Variants in PPP1R12A observed in about 807,000 individuals in gnomAD.
The protein encoded by PPP1R12A is myosin binding subunit.
Under a neutral mutation model 139.6 loss-of-function variants are expected in PPP1R12A, and 19 were observed. The ratio of observed to expected loss-of-function variants is 0.14; its 90% CI spans 0.09 to 0.20. The LOEUF (loss-of-function observed/expected upper bound fraction) is 0.20. Ranked by LOEUF, PPP1R12A falls within the 10% of genes least tolerant of loss-of-function variation. The pLI is 1.00. For synonymous variants in PPP1R12A, 427 were observed against 420.6 expected (o/e 1.02, Z -0.19); for missense variants, 925 against 1,211.5 (o/e 0.76, Z 3.51).
upstream of PPP1R12A, chr12:79,935,425 G>C: frequency 2.0e-6 from 2 of 991,262 alleles, no homozygotes; most frequent in Non-Finnish European, 2.4e-6. Context: ...GAGGCCAGCA[G>C]TGGAACCGCA....
chr12:79,805,792 CA>C, intron 13 of PPP1R12A, 24 bp from the exon 14 acceptor site: 6 of 1,584,402 alleles, frequency 3.8e-6, no homozygotes, highest in Non-Finnish European at 4.3e-6. Flanking sequence ...AGCAGCAACA[CA>C]AAAAAGAGAA....
chr12:79,833,754 T>G (rs1027948775), intron 3 of PPP1R12A, among the ~76,000 whole-genome samples: 1 of 150,698 alleles, frequency 6.6e-6, no homozygotes, highest in Non-Finnish European at 1.5e-5. Context: ...GGAGAACTAC[T>G]TAAGTCCAGG....
intron 3 of PPP1R12A, among the ~76,000 whole-genome samples, chr12:79,843,050 G>GT (rs1252798611): frequency 3.3e-5 from 5 of 151,606 alleles, no homozygotes; most frequent in South Asian, 2.1e-4. Flanking sequence ...TTTGTTTTTG[G>GT]TTTTTTTTGA....
At chr12:79,848,461 G>A (rs1458451909) in intron 2 of PPP1R12A, among the ~76,000 whole-genome samples, 1 of 152,112 alleles carries the variant, frequency 6.6e-6, no homozygotes, top group Non-Finnish European at 1.5e-5. Context: ...CAGACTAGCT[G>A]CAGCTTGAAG....
intron 1 of PPP1R12A, among the ~76,000 whole-genome samples, chr12:79,903,486 C>G (rs1327321272): frequency 1.3e-5 from 2 of 151,958 alleles, no homozygotes; most frequent in African/African-American, 4.8e-5. Flanking sequence ...TACCTTCAGG[C>G]TATGTGTATG....
chr12:79,876,216 T>C (rs1176889003), intron 1 of PPP1R12A, among the ~76,000 whole-genome samples: 2 of 152,242 alleles, frequency 1.3e-5, no homozygotes, highest in Non-Finnish European at 2.9e-5. Context: ...GTATCTACTT[T>C]ATTTTTCTCC....
chr12:79,840,150 C>T (rs1478486660), intron 3 of PPP1R12A, among the ~76,000 whole-genome samples: 1 of 152,128 alleles, frequency 6.6e-6, no homozygotes, highest in Non-Finnish European at 1.5e-5. Flanking sequence ...CCACTTCCTA[C>T]CTGTATGATC....
chr12:79,918,389 T>C lies in PPP1R12A; in HGVS notation c.237+16306A>G, dbSNP rs183384537. 2.4e-3 allele frequency among the ~76,000 whole-genome samples: 370 copies of C among 152,286 alleles called. 1 individual carries two copies. The highest frequency in any genetic ancestry group is 4.0e-3 in the Non-Finnish European group (269 of 68,016). On this transcript the variant is annotated intron_variant, in intron 1 of 24. Coordinates refer to ENST00000450142, the MANE Select transcript of PPP1R12A (RefSeq NM_002480.3). ...CTGTACAGATAGCCTATAGTGTACATTTTACACTTGATTTTCATTTCTTGT... is the reference window on the plus strand; with the variant it reads ...CTGTACAGATAGCCTATAGTGTACACTTTACACTTGATTTTCATTTCTTGT...
intron 24 of PPP1R12A, among the ~76,000 whole-genome samples, chr12:79,776,821 A>G (rs1565732400): frequency 6.6e-6 from 1 of 152,146 alleles, no homozygotes; most frequent in Non-Finnish European, 1.5e-5. Context: ...TCACTAGGAA[A>G]TGAAATAGCT....
At chr12:79,907,208 T>A (rs760338927) in intron 1 of PPP1R12A, among the ~76,000 whole-genome samples, 1 of 152,184 alleles carries the variant, frequency 6.6e-6, no homozygotes, top group Non-Finnish European at 1.5e-5. Context: ...TTTTGATATA[T>A]TTTCCAATCA....
At chr12:79,919,502 C>G (rs141276896) in intron 1 of PPP1R12A, among the ~76,000 whole-genome samples, 2,838 of 151,190 alleles carry the variant, frequency 0.019, 94 homozygotes, top group African/African-American at 0.066. Flanking sequence ...TTGCAGTGAG[C>G]TGAAATCACG....
At chr12:79,865,296 C>G (rs1002874292) in intron 2 of PPP1R12A, among the ~76,000 whole-genome samples, 26 of 152,136 alleles carry the variant, frequency 1.7e-4, no homozygotes, top group Admixed American at 1.7e-3. Flanking sequence ...TCTCAATAAA[C>G]TAGGTATCGA....
rs1396615061 is a variant in PPP1R12A, at chr12:79,817,423, G to C, written c.1210C>G (p.Gln404Glu). Residue 404 changes from glutamine to glutamate, a missense_variant, in exon 9 of 25, where the codon CAA (glutamine) becomes GAA (glutamate). Coordinates refer to ENST00000450142, the MANE Select transcript of PPP1R12A (RefSeq NM_002480.3). Reference sequence around the variant, plus strand: ...TTAATAGGTGATGTAGGTGTTGCTTGACCTGATGACACAGTAGGTGTTGTA... The same window carrying C: ...TTAATAGGTGATGTAGGTGTTGCTTCACCTGATGACACAGTAGGTGTTGTA... Reference protein sequence around the residue: ...AVTTPTVSSGQATPTSPIKKF... With the variant: ...AVTTPTVSSGEATPTSPIKKF... 3 of 1,611,892 alleles carry C rather than the reference G, an allele frequency of 1.9e-6. 1 individual carries two copies. The highest frequency in any genetic ancestry group is 1.3e-5 in the African/African-American group (1 of 74,880).
In PPP1R12A at chr12:79,786,360, A is replaced by G. The variant is rs947301583; in HGVS notation, c.2907+14T>C. The G allele has an allele frequency of 2.7e-6, 4 of 1,461,344 alleles. No individual in the cohort carries two copies. The highest frequency in any genetic ancestry group is 3.7e-6 in the Non-Finnish European group (4 of 1,079,630). 90.5% of individuals were successfully genotyped at this position (1,461,344 alleles called of 1,614,324 possible). On this transcript the variant is annotated intron_variant, in intron 22 of 24. Coordinates refer to ENST00000450142, the MANE Select transcript of PPP1R12A (RefSeq NM_002480.3). ...CCATTACCTTGAGAGTAACAAAAAG[A>G]AAAGGGTACAAACCTGGGTGGCCTT...
chr12:79,794,495 T>C (rs1872265343), intron 18 of PPP1R12A, among the ~76,000 whole-genome samples: 1 of 151,876 alleles, frequency 6.6e-6, no homozygotes, highest in Non-Finnish European at 1.5e-5. Flanking sequence ...ATTAAGTAAT[T>C]AGTAATTAAG....
intron 19 of PPP1R12A, among the ~76,000 whole-genome samples, chr12:79,791,623 C>T (rs1055232549): frequency 2.0e-5 from 3 of 152,122 alleles, no homozygotes; most frequent in South Asian, 2.1e-4. Context: ...CCACCATGCC[C>T]GGCCTAGCAT....
intron 11 of PPP1R12A, among the ~76,000 whole-genome samples, chr12:79,808,016 ACAGAGCGAGACT>A (rs760025161): frequency 1.6e-4 from 24 of 151,924 alleles, no homozygotes; most frequent in Non-Finnish European, 2.6e-4. Flanking sequence ...AGCGTGGGTG[ACAGAGCGAGACT>A]CTGTCTCAAA....
chr12:79,779,202 CACACA>C (rs1870110892), intron 23 of PPP1R12A: 2 of 792,024 alleles, frequency 2.5e-6, no homozygotes, highest in African/African-American at 3.6e-5. Context: ...GCAAAGCCAA[CACACA>C]ACACATTATT....
intron 1 of PPP1R12A, among the ~76,000 whole-genome samples, chr12:79,905,549 C>CT (rs1483375701): frequency 6.6e-6 from 1 of 152,164 alleles, no homozygotes. Flanking sequence ...TGCCTTCCTG[C>CT]TGAAGGCAGG....
Sources: allele counts gnomAD v4.1 joint callset (sites outside exome capture counted in the v4.1 genomes callset), GRCh38; gene constraint gnomAD v4.1.1; transcripts MANE v1.5; gene names NCBI Gene and HGNC (gene_info 2026-07-23, HGNC 2026-07-21).